Variants in PPP2R3B observed in about 807,000 individuals in gnomAD.
PPP2R3B encodes serine/threonine-protein phosphatase 2A regulatory subunit B'' subunit beta.
PPP2R3B carries 68 observed loss-of-function variants against 72.9 expected under a neutral mutation model. That is an observed-to-expected ratio of 0.93 (90% CI 0.77 to 1.14). The LOEUF is 1.14. Ranked by LOEUF, PPP2R3B falls within the 50% of genes most tolerant of loss-of-function variation. PPP2R3B has a pLI of 0.00. For synonymous variants in PPP2R3B, 466 were observed against 375.8 expected (o/e 1.24, Z -2.78); for missense variants, 1,018 against 842.0 (o/e 1.21, Z -2.59).
At chrX:351,226 G>A (rs1203188012) in intron 2 of PPP2R3B, among the ~76,000 whole-genome samples, 3 of 152,158 alleles carry the variant, frequency 2.0e-5, no homozygotes, top group Admixed American at 1.3e-4. Flanking sequence ...CTGGAAGGGC[G>A]TCCCGGTGCG....
chrX:368,770 T>C (rs1257536187), intron 1 of PPP2R3B, among the ~76,000 whole-genome samples: 6 of 41,176 alleles, frequency 1.5e-4, no homozygotes, highest in Admixed American at 2.8e-4. Context: ...ACCACCCACC[T>C]TGGGCACCGA....
In PPP2R3B at chrX:382,834, CGTCTGGCT is replaced by C. The variant is rs1569420559; in HGVS notation, c.324+3526_324+3533del. 8.5e-5 allele frequency among the ~76,000 whole-genome samples: 13 copies of C among 152,206 alleles called. No individual in the cohort carries two copies. In the South Asian group the frequency reaches 2.1e-3, roughly 24 times the overall value. ...CACACAATTCAAGCATTTACCTTAG[CGTCTGGCT>C]GTCATTCAACACGTTTAAGGACAAA... On this transcript the variant is annotated intron_variant, in intron 1 of 12. Transcript: ENST00000390665.
chrX:385,833 C>T (rs1466795312), intron 1 of PPP2R3B, among the ~76,000 whole-genome samples: 1 of 151,766 alleles, frequency 6.6e-6, no homozygotes, highest in Admixed American at 6.6e-5. Context: ...GAAATCCCAG[C>T]ACTTTGGGAG....
intron 10 of PPP2R3B, 39 bp from the exon 11 acceptor site, chrX:338,935 G>T: frequency 6.4e-7 from 1 of 1,568,806 alleles, no homozygotes; most frequent in Non-Finnish European, 8.8e-7. Flanking sequence ...CGTGAGCCCG[G>T]TCTCACCTTC....
rs769206203 is a variant in PPP2R3B, at chrX:382,196, C to CT, written c.324+4171dup. Among the ~76,000 whole-genome samples, 298 of 130,032 alleles carry CT rather than the reference C, an allele frequency of 2.3e-3. 1 individual carries two copies. The highest frequency in any genetic ancestry group is 0.012 in the Middle Eastern group (3 of 248). 85.3% of individuals were successfully genotyped at this position (130,032 alleles called of 152,430 possible). On this transcript the variant is annotated intron_variant, in intron 1 of 12. Coordinates refer to ENST00000390665, the MANE Select transcript of PPP2R3B (RefSeq NM_013239.5). ...ACCTGAACATCTCATCTTTTTTTTT[C>CT]TTTTTTTTTTTTTTTTGAGACAGAG...
intron 2 of PPP2R3B, among the ~76,000 whole-genome samples, chrX:353,067 C>T (rs1030211074): frequency 5.3e-5 from 8 of 151,758 alleles, no homozygotes; most frequent in African/African-American, 1.9e-4. Context: ...TTGTGAGATC[C>T]GATGGTCTAA....
chrX:334,097 C>G lies in PPP2R3B; in HGVS notation c.*270G>C, dbSNP rs762434057. The G allele has an allele frequency of 1.1e-5, 4 of 360,486 alleles. No individual in the cohort carries two copies. The highest frequency in any genetic ancestry group is 8.2e-5 in the South Asian group (1 of 12,218). The allele number at this position is 360,486 out of a possible 1,614,324, so 22.3% of individuals were successfully genotyped here. On this transcript the variant is annotated 3_prime_UTR_variant, in exon 13 of 13. Transcript: ENST00000390665. Reference sequence around the variant, plus strand: ...TTTCCACAGACGCAGGCCCCGGAACCCAGGCTGGGTCGGGAACGGCAAGCG... The same window carrying G: ...TTTCCACAGACGCAGGCCCCGGAACGCAGGCTGGGTCGGGAACGGCAAGCG...
In PPP2R3B at chrX:386,447, G is replaced by T; in HGVS notation, c.245C>A (p.Ala82Glu). Residue 82 changes from alanine to glutamate, a missense_variant, in exon 1 of 13, where the codon GCG becomes GAG. By Grantham distance (107) the Ala-to-Glu change is moderately radical. Transcript: ENST00000390665. ...EPPGTPGPGPALPLGAASSPR... is the reference protein window; with the variant it reads ...EPPGTPGPGPELPLGAASSPR... ...GCTGGAGGCGGCGCCCAGGGGCAGC[G>T]CAGGGCCCGGCCCGGGGGTTCCCGG... 3.8e-6 allele frequency: 5 copies of T among 1,313,210 alleles called. No individual in the cohort carries two copies. The highest frequency in any genetic ancestry group is 3.2e-5 in the Admixed American group (1 of 31,290). The allele number at this position is 1,313,210 out of a possible 1,614,324, so 81.3% of individuals were successfully genotyped here. A position where few individuals can be genotyped will look rare whatever the true frequency, so the allele number is the denominator to read the frequency against.
In PPP2R3B at chrX:347,574, C is replaced by T. The variant is rs187122317; in HGVS notation, c.614+16G>A. Reference sequence around the variant, plus strand: ...CCGCCCTCCCGACACAGCCCCCTGCCCAGCCCAGGACTCACTTTCTCCACA... The same window carrying T: ...CCGCCCTCCCGACACAGCCCCCTGCTCAGCCCAGGACTCACTTTCTCCACA... On this transcript the variant is annotated intron_variant, in intron 3 of 12. Coordinates refer to ENST00000390665, the MANE Select transcript of PPP2R3B (RefSeq NM_013239.5). The T allele has an allele frequency of 8.3e-6, 13 of 1,563,564 alleles. No homozygotes were observed. Among genetic ancestry groups the T allele is most frequent in the Non-Finnish European group, 1.1e-5 (13 of 1,153,980 alleles).
chrX:370,966 G>C (rs1469007495), intron 1 of PPP2R3B, among the ~76,000 whole-genome samples: 8 of 152,174 alleles, frequency 5.3e-5, no homozygotes, highest in African/African-American at 1.9e-4. Context: ...GTGTCTGTGT[G>C]ACCAGGACAG....
Position 334,065 on chromosome X carries a change from C to G in PPP2R3B, c.*302G>C, listed in dbSNP as rs1139186. On this transcript the variant is annotated 3_prime_UTR_variant, in exon 13 of 13. Coordinates refer to ENST00000390665, the MANE Select transcript of PPP2R3B (RefSeq NM_013239.5). ...GCCGCCGGTCACCGTTGTGCGCACA[C>G]GGACCCTTTCCACAGACGCAGGCCC... The G allele has an allele frequency of 9.6e-6, 3 of 311,574 alleles. No individual in the cohort carries two copies. Among genetic ancestry groups the G allele is most frequent in the African/African-American group, 2.2e-5 (1 of 45,798 alleles). The allele number at this position is 311,574 out of a possible 1,614,324, so 19.3% of individuals were successfully genotyped here.
intron 2 of PPP2R3B, 73 bp downstream of exon 2, chrX:361,332 C>T (rs2071534112): frequency 9.6e-6 from 15 of 1,560,222 alleles, no homozygotes; most frequent in South Asian, 2.3e-5. Flanking sequence ...GCACCCACCA[C>T]GGCCGCTCCG....
chrX:336,818 C>G (rs146235498), intron 12 of PPP2R3B: 1 of 152,172 alleles, frequency 6.6e-6, no homozygotes, highest in Non-Finnish European at 1.5e-5. Context: ...TCGCATCAAG[C>G]GTACACGGAA....
At chrX:354,083 T>TCGCC in intron 2 of PPP2R3B, among the ~76,000 whole-genome samples, 3 of 124,368 alleles carry the variant, frequency 2.4e-5, no homozygotes, top group East Asian at 2.6e-4. Context: ...AGACCGGGGC[T>TCGCC]CACCCAGGGA....
intron 2 of PPP2R3B, among the ~76,000 whole-genome samples, chrX:349,104 C>G (rs2071278788): frequency 6.6e-6 from 1 of 152,070 alleles, no homozygotes; most frequent in Admixed American, 6.6e-5. Flanking sequence ...ATAAAGGGTG[C>G]TATGGCCTGA....
Position 358,722 on chromosome X carries a change from G to C in PPP2R3B, c.510+2683C>G, listed in dbSNP as rs761473511. On this transcript the variant is annotated intron_variant, in intron 2 of 12. Coordinates refer to ENST00000390665, the MANE Select transcript of PPP2R3B (RefSeq NM_013239.5). ...GAAGCGAGGTGACACCGAGAACTGA[G>C]TCCTGGAAGGAAAATGACATGAAAC... 2.6e-5 allele frequency among the ~76,000 whole-genome samples: 4 copies of C among 152,286 alleles called. No homozygotes were observed. In the East Asian group the frequency reaches 5.8e-4, roughly 22 times the overall value.
intron 2 of PPP2R3B, among the ~76,000 whole-genome samples, chrX:354,939 C>A (rs890542220): frequency 6.6e-6 from 1 of 152,200 alleles, no homozygotes; most frequent in Non-Finnish European, 1.5e-5. Flanking sequence ...AGGGCCGCTG[C>A]GTCACGGACG....
At chrX:375,562 A>C (rs1389333395) in intron 1 of PPP2R3B, among the ~76,000 whole-genome samples, 3 of 151,848 alleles carry the variant, frequency 2.0e-5, no homozygotes, top group African/African-American at 7.3e-5. Flanking sequence ...TGCGGGGCGC[A>C]AACTCACAGG....
At chrX:340,991 T>G in intron 9 of PPP2R3B, 51 bp from the exon 10 acceptor site, 1 of 1,578,994 alleles carries the variant, frequency 6.3e-7, no homozygotes, top group Non-Finnish European at 8.6e-7. Context: ...TCCCAGCCCG[T>G]GACCTGCAGC....
Sources: allele counts gnomAD v4.1 joint callset (sites outside exome capture counted in the v4.1 genomes callset), GRCh38; gene constraint gnomAD v4.1.1; transcripts MANE v1.5; gene names NCBI Gene and HGNC (gene_info 2026-07-23, HGNC 2026-07-21).